Variants in USP34 observed in about 807,000 individuals in gnomAD.
USP34 encodes the protein ubiquitin specific peptidase 34.
In USP34, 70 loss-of-function variants were observed where a neutral mutation model predicts 460.3. That is an observed-to-expected ratio of 0.15 (90% confidence interval 0.13 to 0.19). The LOEUF (loss-of-function observed/expected upper bound fraction) is 0.19. Among genes scored for constraint, USP34 ranks in the 10% least tolerant of loss-of-function variants. The pLI, the probability that USP34 is intolerant of heterozygous loss-of-function variation, is 1.00. For synonymous variants in USP34, 1,647 were observed against 1,405.3 expected (o/e 1.17, Z -3.85); for missense variants, 3,985 against 4,236.2 (o/e 0.94, Z 1.65).
At chr2:61,378,338 T>C (rs749707162) in intron 8 of USP34, 25 bp downstream of exon 8, 18 of 1,483,584 alleles carry the variant, frequency 1.2e-5, no homozygotes, top group South Asian at 4.9e-5. Context: ...GGTATACTTA[T>C]ATATAAATTA....
chr2:61,353,182 T>C (rs1192787558), intron 10 of USP34, among the ~76,000 whole-genome samples: 1 of 152,160 alleles, frequency 6.6e-6, no homozygotes, highest in Non-Finnish European at 1.5e-5. Context: ...ACATCAAGAT[T>C]CTCTGTTCCG....
chr2:61,351,590 TA>T (rs555573202), intron 10 of USP34, among the ~76,000 whole-genome samples: 7 of 152,108 alleles, frequency 4.6e-5, no homozygotes, highest in Non-Finnish European at 7.4e-5. Flanking sequence ...TTTTAATACA[TA>T]AAAAAATCTA....
At chr2:61,279,900 T>G (rs540199331) in intron 39 of USP34, among the ~76,000 whole-genome samples, 1 of 152,356 alleles carries the variant, frequency 6.6e-6, no homozygotes, top group South Asian at 2.1e-4. Context: ...TTATTTTACG[T>G]ATTTGGGACT....
chr2:61,460,693 A>T (rs1357703980), intron 1 of USP34, among the ~76,000 whole-genome samples: 1 of 152,134 alleles, frequency 6.6e-6, no homozygotes, highest in East Asian at 1.9e-4. Context: ...GATTCATAAA[A>T]CAGGTAGAAG....
intron 34 of USP34, among the ~76,000 whole-genome samples, chr2:61,286,506 A>C (rs1689694255): frequency 6.6e-6 from 1 of 152,130 alleles, no homozygotes. Flanking sequence ...AAATACAAAA[A>C]TTAGCCACGC....
intron 5 of USP34, among the ~76,000 whole-genome samples, chr2:61,390,692 A>G (rs1231712514): frequency 6.6e-6 from 1 of 152,142 alleles, no homozygotes; most frequent in African/African-American, 2.4e-5. Flanking sequence ...TCAGATTTGA[A>G]CCTTAATCTG....
At position 61,188,480 on chromosome 2, in the gene USP34, A is replaced by C. The variant is rs1235176795; in HGVS notation, c.10263T>G (p.Ser3421=). 1.2e-6 allele frequency: 2 copies of C among 1,614,246 alleles called. No individual in the cohort carries two copies. Among genetic ancestry groups the C allele is most frequent in the Non-Finnish European group, 1.7e-6 (2 of 1,180,046 alleles). ...TATTTGACATGTCTTCTGAAAACGA[A>C]GATGGAACTTCCATTCGGTATTCTT... is the stretch of plus-strand genomic sequence containing the variant. The part of the protein sequence containing the change: ...SVKEYRMEVP[S]SFSEDMSNIR... The change falls in exon 80 of 80, where the codon TCT becomes TCG. Residue 3421 remains serine, a synonymous_variant. Coordinates refer to ENST00000398571, the MANE Select transcript of USP34 (RefSeq NM_014709.4).
chr2:61,461,079 G>A (rs1348301821), intron 1 of USP34, among the ~76,000 whole-genome samples: 7 of 151,746 alleles, frequency 4.6e-5, no homozygotes, highest in Admixed American at 6.6e-5. Flanking sequence ...GAAAAAAAGC[G>A]AGCTTTGAAT....
chr2:61,344,319 T>G (rs1691694959), intron 15 of USP34, among the ~76,000 whole-genome samples: 1 of 152,224 alleles, frequency 6.6e-6, no homozygotes, highest in Non-Finnish European at 1.5e-5. Context: ...TGTTTACATA[T>G]TATTTTATAC....
chr2:61,199,062 A>G (rs1686892352), intron 75 of USP34, among the ~76,000 whole-genome samples: 1 of 152,136 alleles, frequency 6.6e-6, no homozygotes, highest in Non-Finnish European at 1.5e-5. Flanking sequence ...CATTTTCCCA[A>G]TTAGCTGTTT....
At chr2:61,282,547 G>C (rs1357578679) in intron 37 of USP34, among the ~76,000 whole-genome samples, 1 of 152,154 alleles carries the variant, frequency 6.6e-6, no homozygotes, top group Non-Finnish European at 1.5e-5. Context: ...CAAGCAGTTT[G>C]GGAGGCCGAG....
chr2:61,224,245 G>T (rs1309846016), intron 62 of USP34, among the ~76,000 whole-genome samples: 1 of 152,146 alleles, frequency 6.6e-6, no homozygotes, highest in African/African-American at 2.4e-5. Flanking sequence ...CTTTGTGTTT[G>T]CAATTTATCT....
At position 61,301,015 on chromosome 2, in the gene USP34, T is replaced by C. The variant is rs1487494337; in HGVS notation, c.4064A>G (p.Asp1355Gly). The change falls in exon 29 of 80, where the codon GAT (aspartate) becomes GGT (glycine). Residue 1355 changes from aspartate (D) to glycine (G), a missense_variant. This residue lies in a region of USP34 where 1,114 missense variants were observed against 1,122.5 expected (regional missense o/e 0.99). Transcript: ENST00000398571. ...LQEPHLTTLF[D>G]LLEMLASFKP... ...AAATGATGCAAGCATCTCTAATAAA[T>C]CAAAAAGAGTAGTTAAATGAGGCTC... 1.2e-6 allele frequency: 2 copies of C among 1,613,868 alleles called. No homozygotes were observed. Among genetic ancestry groups the C allele is most frequent in the South Asian group, 1.1e-5 (1 of 91,050 alleles).
intron 53 of USP34, among the ~76,000 whole-genome samples, chr2:61,239,299 G>GTCTC (rs1553355577): frequency 1.6e-4 from 11 of 69,136 alleles, no homozygotes; most frequent in African/African-American, 6.8e-4. Context: ...TGAGGGCCCT[G>GTCTC]TCACACACAC....
At chr2:61,402,692 C>G (rs750132531) in intron 3 of USP34, among the ~76,000 whole-genome samples, 1 of 151,882 alleles carries the variant, frequency 6.6e-6, no homozygotes, top group South Asian at 2.1e-4. Flanking sequence ...AAAATATTAA[C>G]GAAAAATCAA....
intron 65 of USP34, 91 bp from the exon 66 acceptor site, chr2:61,221,697 T>C (rs771307292): frequency 4.3e-5 from 50 of 1,168,694 alleles, no homozygotes; most frequent in Non-Finnish European, 5.6e-5. Context: ...ACACACTATA[T>C]TTAAATCTGT....
rs550391694 is a variant in USP34 at position 61,405,028 on chromosome 2, C to A, written c.552+680G>T. ...AGATCATGAGGTCAGGAGATCGAGA[C>A]CATCCTGGCTAACACGGTGAAACCC... On this transcript the variant is annotated intron_variant, in intron 3 of 79. Transcript: ENST00000398571. 1.6e-4 allele frequency among the ~76,000 whole-genome samples: 24 copies of A among 151,862 alleles called. No homozygotes were observed. The South Asian group carries it at 4.6e-3, about 29-fold the overall frequency.
intron 30 of USP34, 54 bp downstream of exon 30, chr2:61,296,746 G>A (rs1034638449): frequency 3.3e-5 from 51 of 1,562,112 alleles, no homozygotes; most frequent in Middle Eastern, 1.7e-4. Flanking sequence ...ACTGTCAATA[G>A]GAATGTAAAC....
At chr2:61,392,842 A>T (rs911934120) in intron 5 of USP34, among the ~76,000 whole-genome samples, 1 of 152,192 alleles carries the variant, frequency 6.6e-6, no homozygotes, top group Non-Finnish European at 1.5e-5. Flanking sequence ...CTCCAAAATT[A>T]CCACAGTGTG....
Sources: allele counts gnomAD v4.1 joint callset (sites outside exome capture counted in the v4.1 genomes callset), GRCh38; gene constraint gnomAD v4.1.1; regional missense constraint gnomAD v4.1.1; transcripts MANE v1.5; gene names NCBI Gene and HGNC (gene_info 2026-07-23, HGNC 2026-07-21).